The following CACNA2D1 variants were observed in gnomAD, a reference collection of about 807,000 sequenced individuals.
CACNA2D1 encodes calcium voltage-gated channel auxiliary subunit alpha2delta 1.
A neutral mutation model predicts 171.5 loss-of-function variants in CACNA2D1; 53 were observed. That is an observed-to-expected ratio of 0.31 (90% CI 0.25 to 0.39). CACNA2D1 has a LOEUF of 0.39. Ranked by LOEUF, CACNA2D1 falls within the 10% of genes least tolerant of loss-of-function variation. CACNA2D1 has a pLI of 1.00. For synonymous variants in CACNA2D1, 442 were observed against 443.1 expected (o/e 1.00, Z 0.03); for missense variants, 903 against 1,299.8 (o/e 0.69, Z 4.69).
At chr7:82,308,272 G>C (rs1813982779) in intron 3 of CACNA2D1, among the ~76,000 whole-genome samples, 1 of 151,944 alleles carries the variant, frequency 6.6e-6, no homozygotes, top group Admixed American at 6.6e-5. Context: ...TCTTCCATTG[G>C]GTCAATCAAT....
chr7:82,034,810 T>G (rs1803103182), intron 11 of CACNA2D1, among the ~76,000 whole-genome samples: 1 of 152,102 alleles, frequency 6.6e-6, no homozygotes, highest in Admixed American at 6.6e-5. Flanking sequence ...CATTAGGTCT[T>G]GCTGATCATT....
At chr7:82,156,455 T>C (rs1425553380) in intron 4 of CACNA2D1, among the ~76,000 whole-genome samples, 1 of 152,116 alleles carries the variant, frequency 6.6e-6, no homozygotes, top group Non-Finnish European at 1.5e-5. Flanking sequence ...TAAATCAATC[T>C]TGAAGCAACT....
intron 5 of CACNA2D1, among the ~76,000 whole-genome samples, chr7:82,127,581 G>A (rs1409398172): frequency 6.6e-6 from 1 of 152,016 alleles, no homozygotes; most frequent in African/African-American, 2.4e-5. Flanking sequence ...TATTGTATAA[G>A]GTATTATACC....
At chr7:82,237,436 G>GT (rs933350745) in intron 3 of CACNA2D1, among the ~76,000 whole-genome samples, 8 of 151,670 alleles carry the variant, frequency 5.3e-5, no homozygotes, top group Admixed American at 4.0e-4. Context: ...TTTCTAGATT[G>GT]TTTTTTTTCC....
intron 6 of CACNA2D1, among the ~76,000 whole-genome samples, chr7:82,106,357 TTTTAA>T (rs1371227827): frequency 6.6e-6 from 1 of 152,214 alleles, no homozygotes; most frequent in East Asian, 1.9e-4. Context: ...TTGGAAGCTA[TTTTAA>T]TTTAAGATTA....
At chr7:82,234,431 T>C (rs1268529242) in intron 3 of CACNA2D1, among the ~76,000 whole-genome samples, 1 of 151,672 alleles carries the variant, frequency 6.6e-6, no homozygotes, top group Non-Finnish European at 1.5e-5. Context: ...ATTATGCAGA[T>C]GTTATTCAAA....
chr7:82,174,133 CTA>C (rs1796322389), intron 3 of CACNA2D1, among the ~76,000 whole-genome samples: 1 of 145,802 alleles, frequency 6.9e-6, no homozygotes, highest in Admixed American at 7.0e-5. Context: ...CCATAGTTGG[CTA>C]TATAAGTATA....
intron 5 of CACNA2D1, 72 bp downstream of exon 5, chr7:82,136,563 A>G (rs2129078195): frequency 8.4e-7 from 1 of 1,183,504 alleles, no homozygotes; most frequent in Non-Finnish European, 1.2e-6. Context: ...TGCTAGCTCA[A>G]TTTATTCTAT....
At chr7:82,421,476 G>A (rs565512922) in intron 1 of CACNA2D1, among the ~76,000 whole-genome samples, 4 of 152,260 alleles carry the variant, frequency 2.6e-5, no homozygotes, top group South Asian at 2.1e-4. Context: ...TGAGACAGAA[G>A]GGTTCCTTTG....
chr7:82,382,168 A>C (rs533967113), intron 1 of CACNA2D1, among the ~76,000 whole-genome samples: 10 of 152,328 alleles, frequency 6.6e-5, no homozygotes, highest in African/African-American at 2.4e-4. Flanking sequence ...CCAGTGAGAA[A>C]GGATTATGAT....
intron 6 of CACNA2D1, among the ~76,000 whole-genome samples, chr7:82,095,196 T>C (rs547379719): frequency 1.3e-5 from 2 of 152,248 alleles, no homozygotes; most frequent in Non-Finnish European, 2.9e-5. Flanking sequence ...TTCCTATGCC[T>C]ACTTGTTAAA....
intron 10 of CACNA2D1, chr7:82,051,019 T>G (rs2131307767): frequency 4.7e-6 from 1 of 214,354 alleles, no homozygotes; most frequent in Admixed American, 5.1e-5. Flanking sequence ...TTACTAACAC[T>G]GTCCATGCAG....
chr7:82,214,657 T>A (rs1343697265), intron 3 of CACNA2D1, among the ~76,000 whole-genome samples: 4 of 152,110 alleles, frequency 2.6e-5, no homozygotes, highest in Admixed American at 6.5e-5. Context: ...AGTTAACACA[T>A]CCATTTAAAA....
intron 1 of CACNA2D1, among the ~76,000 whole-genome samples, chr7:82,381,712 G>A (rs1256866536): frequency 6.6e-6 from 1 of 152,000 alleles, no homozygotes; most frequent in Non-Finnish European, 1.5e-5. Flanking sequence ...GCTCCCTTAT[G>A]CAATTAGTAC....
chr7:82,060,784 C>A (rs1436647061), intron 9 of CACNA2D1, among the ~76,000 whole-genome samples: 1 of 151,264 alleles, frequency 6.6e-6, no homozygotes, highest in Non-Finnish European at 1.5e-5. Flanking sequence ...TGTTAAGTGA[C>A]AATTAAAAAA....
rs1807349534 is a variant in CACNA2D1, at chr7:82,064,431, G to A, written c.729-77C>T. 34 of 1,088,028 alleles carry A rather than the reference G, an allele frequency of 3.1e-5. 1 individual carries two copies. The East Asian group carries it at 8.3e-4, about 27-fold the overall frequency. 67.4% of individuals were successfully genotyped at this position (1,088,028 alleles called of 1,614,324 possible). On this transcript the variant is annotated intron_variant, in intron 8 of 38. Coordinates refer to ENST00000356860, the MANE Select transcript of CACNA2D1 (RefSeq NM_000722.4). Reference sequence around the variant, plus strand: ...GATATTTGTTGAATTGATATTTACTGACTCTGAGACAAGGTTTTTTTCCCC... The same window carrying A: ...GATATTTGTTGAATTGATATTTACTAACTCTGAGACAAGGTTTTTTTCCCC...
intron 1 of CACNA2D1, among the ~76,000 whole-genome samples, chr7:82,414,516 T>C (rs1342023269): frequency 6.6e-6 from 1 of 152,100 alleles, no homozygotes; most frequent in East Asian, 1.9e-4. Context: ...CTATGGACAA[T>C]AATCTATTGC....
intron 12 of CACNA2D1, among the ~76,000 whole-genome samples, chr7:82,030,563 C>A (rs1409682449): frequency 2.0e-5 from 3 of 151,666 alleles, no homozygotes; most frequent in Non-Finnish European, 2.9e-5. Context: ...ATGTAAAATT[C>A]ATTGCCATCT....
intron 6 of CACNA2D1, among the ~76,000 whole-genome samples, chr7:82,103,482 A>T (rs887385224): frequency 6.6e-6 from 1 of 152,142 alleles, no homozygotes; most frequent in Non-Finnish European, 1.5e-5. Context: ...TTTTACATAG[A>T]GTCCTAATGG....
Sources: gnomAD v4.1 joint callset for allele counts (sites outside exome capture counted in the v4.1 genomes callset) on GRCh38, gnomAD v4.1.1 for gene constraint, MANE v1.5 for transcripts, NCBI Gene and HGNC (gene_info 2026-07-23, HGNC 2026-07-21) for gene names.